ABRA: variants seen among roughly 807,000 people sequenced by gnomAD.
The protein encoded by ABRA is actin binding Rho activating protein.
Under a neutral mutation model 33.4 loss-of-function variants are expected in ABRA, and 25 were observed. The observed-to-expected ratio is 0.75, with a 90% CI of 0.55 to 1.04. The LOEUF (loss-of-function observed/expected upper bound fraction) is 1.04, where lower values mean the gene tolerates loss of function less well. ABRA is among the 50% of genes least tolerant of loss of function. ABRA has a pLI of 0.00. For synonymous variants in ABRA, 193 were observed against 176.8 expected (o/e 1.09, Z -0.73); for missense variants, 501 against 491.7 (o/e 1.02, Z -0.18).
chr8:106,763,713 T>C (rs976657950), intron 1 of ABRA, among the ~76,000 whole-genome samples: 1 of 152,232 alleles, frequency 6.6e-6, no homozygotes, highest in African/African-American at 2.4e-5. Context: ...ATAAATTTCA[T>C]GCCAGACTTA....
chr8:106,764,085 C>T lies in ABRA; in HGVS notation c.669-2571G>A, dbSNP rs553077731. On this transcript the variant is annotated intron_variant, in intron 1 of 1. Coordinates refer to ENST00000311955, the MANE Select transcript of ABRA (RefSeq NM_139166.5). ...TTTGCACAATTGAAAGTAATTATGTCGGTATCCAGATAGCAGTTGGTTCTT... is the reference window on the plus strand; with the variant it reads ...TTTGCACAATTGAAAGTAATTATGTTGGTATCCAGATAGCAGTTGGTTCTT... Among the ~76,000 whole-genome samples, 5 of 152,258 alleles carry T rather than the reference C, an allele frequency of 3.3e-5. No individual in the cohort carries two copies. In the South Asian group the frequency reaches 1.0e-3, roughly 32 times the overall value.
At chr8:106,766,549 TCTGCTGAAGTTTC>T (rs1226885123) in intron 1 of ABRA, among the ~76,000 whole-genome samples, 1 of 152,194 alleles carries the variant, frequency 6.6e-6, no homozygotes, top group African/African-American at 2.4e-5. Context: ...CCATGAGGCT[TCTGCTGAAGTTTC>T]CTGAGCACAG....
chr8:106,761,219 G>A lies in ABRA; in HGVS notation c.964C>T (p.Arg322Cys), dbSNP rs765131208. The A allele has an allele frequency of 6.2e-6, 10 of 1,614,154 alleles. No homozygotes were observed. The highest frequency in any genetic ancestry group is 1.1e-5 in the South Asian group (1 of 91,080). ...TGGATCTTGCCATCTCGTCTGTGGCGAGCCATTGTGCAGATAATGAAGCAC... is the reference window on the plus strand; with the variant it reads ...TGGATCTTGCCATCTCGTCTGTGGCAAGCCATTGTGCAGATAATGAAGCAC... The part of the protein sequence containing the change: ...DMCFIICTMA[R>C]HRRDGKIQVT... The change falls in exon 2 of 2, where the codon CGC becomes TGC. Residue 322 changes from arginine (R) to cysteine (C), a missense_variant. Transcript: ENST00000311955.
chr8:106,761,834 A>T (rs948596156), intron 1 of ABRA, among the ~76,000 whole-genome samples: 1 of 152,202 alleles, frequency 6.6e-6, no homozygotes, highest in Non-Finnish European at 1.5e-5. Flanking sequence ...CTTTAAGTTG[A>T]GTATTGGTAA....
At chr8:106,766,613 A>G (rs1305804408) in intron 1 of ABRA, among the ~76,000 whole-genome samples, 1 of 152,174 alleles carries the variant, frequency 6.6e-6, no homozygotes, top group East Asian at 1.9e-4. Flanking sequence ...GTTGCTGCAT[A>G]TAACATTCTG....
rs1379713657 is a variant in ABRA, at chr8:106,766,094, T to C, written c.668+3429A>G. On this transcript the variant is annotated intron_variant, in intron 1 of 1. Coordinates refer to ENST00000311955, the MANE Select transcript of ABRA (RefSeq NM_139166.5). ...CCTGCTCAACTGCTATTATTTTCAC[T>C]GAATTAAACATGGAGGACAGGATGG... 2.6e-5 allele frequency among the ~76,000 whole-genome samples: 4 copies of C among 152,232 alleles called. No individual in the cohort carries two copies. The East Asian group carries it at 7.7e-4, about 29-fold the overall frequency.
intron 1 of ABRA, among the ~76,000 whole-genome samples, chr8:106,763,929 T>C (rs1197732897): frequency 6.6e-6 from 1 of 152,246 alleles, no homozygotes; most frequent in Non-Finnish European, 1.5e-5. Flanking sequence ...TGATACTTAC[T>C]GTGTGCCAGG....
intron 1 of ABRA, among the ~76,000 whole-genome samples, chr8:106,764,224 C>CTATA (rs749063707): frequency 6.6e-6 from 1 of 152,144 alleles, no homozygotes; most frequent in Non-Finnish European, 1.5e-5. Context: ...TTAAACTGCA[C>CTATA]GTTATATGGG....
Position 106,761,206 on chromosome 8 carries a change from T to A in ABRA, c.977A>T (p.Asp326Val). The change falls in exon 2 of 2, where the codon GAT becomes GTT. Residue 326 changes from aspartate (D) to valine (V), a missense_variant. By Grantham distance (152) the Asp-to-Val change is radical. Coordinates refer to ENST00000311955, the MANE Select transcript of ABRA (RefSeq NM_139166.5). The stretch of plus-strand genomic sequence containing the variant: ...TCCAAAAGTAACCTGGATCTTGCCA[T>A]CTCGTCTGTGGCGAGCCATTGTGCA... ...IICTMARHRR[D>V]GKIQVTFGDL... The A allele has an allele frequency of 6.2e-7, 1 of 1,614,212 alleles. No homozygotes were observed. Among genetic ancestry groups the A allele is most frequent in the Non-Finnish European group, 8.5e-7 (1 of 1,180,038 alleles).
chr8:106,767,481 G>A (rs138256155), intron 1 of ABRA, among the ~76,000 whole-genome samples: 2 of 152,286 alleles, frequency 1.3e-5, no homozygotes, highest in African/African-American at 4.8e-5. Context: ...CCAGACCTCT[G>A]AATGCATCCT....
intron 1 of ABRA, 48 bp downstream of exon 1, chr8:106,769,475 G>T: frequency 6.3e-7 from 1 of 1,575,124 alleles, no homozygotes; most frequent in Non-Finnish European, 8.6e-7. Flanking sequence ...CTTGGTTGGG[G>T]CTCAATAGTG....
chr8:106,770,111 A>G lies in ABRA; in HGVS notation c.80T>C (p.Ile27Thr). The G allele has an allele frequency of 1.5e-5, 25 of 1,613,764 alleles. No homozygotes were observed. Among genetic ancestry groups the G allele is most frequent in the Non-Finnish European group, 2.1e-5 (25 of 1,179,820 alleles). The change falls in exon 1 of 2, where the codon ATC becomes ACC. Residue 27 changes from isoleucine (I) to threonine (T), a missense_variant. By Grantham distance (89) the Ile-to-Thr change is moderately conservative (BLOSUM62 -1). Coordinates refer to ENST00000311955, the MANE Select transcript of ABRA (RefSeq NM_139166.5). ...CTGCTGCCAACCTCGGGCCAAGCTG[A>G]TGACCAGGGTGGCTGTGCGTATCTT... is the stretch of plus-strand genomic sequence containing the variant. ...LRKIRTATLV[I>T]SLARGWQQWA...
At chr8:106,763,626 T>C (rs375855139) in intron 1 of ABRA, among the ~76,000 whole-genome samples, 11 of 152,310 alleles carry the variant, frequency 7.2e-5, no homozygotes, top group African/African-American at 2.6e-4. Flanking sequence ...TTGTGAGCCA[T>C]GCTAATCAAT....
At chr8:106,768,784 A>G (rs1308526181) in intron 1 of ABRA, among the ~76,000 whole-genome samples, 1 of 152,116 alleles carries the variant, frequency 6.6e-6, no homozygotes, top group Non-Finnish European at 1.5e-5. Context: ...CAGATGCACA[A>G]CACTGTGCCT....
chr8:106,763,570 T>C (rs1836166880), intron 1 of ABRA, among the ~76,000 whole-genome samples: 1 of 152,198 alleles, frequency 6.6e-6, no homozygotes, highest in Non-Finnish European at 1.5e-5. Flanking sequence ...GCCCTCAGTG[T>C]GGGCTGCTCA....
At chr8:106,761,983 G>A (rs889460720) in intron 1 of ABRA, among the ~76,000 whole-genome samples, 5 of 152,152 alleles carry the variant, frequency 3.3e-5, no homozygotes, top group African/African-American at 1.2e-4. Flanking sequence ...ATTTTTATAT[G>A]TGGATTTTTC....
At position 106,761,164 on chromosome 8, in the gene ABRA, T is replaced by C. The variant is rs752610182; in HGVS notation, c.1019A>G (p.Tyr340Cys). Residue 340 changes from tyrosine (Y) to cysteine (C), a missense_variant, in exon 2 of 2, where the codon TAC (tyrosine) becomes TGC (cysteine). By Grantham distance (194) the Tyr-to-Cys change is radical. Coordinates refer to ENST00000311955, the MANE Select transcript of ABRA (RefSeq NM_139166.5). ...QVTFGDLFDR[Y>C]VRISDKVVGI... ...CACTACTTTATCTGAAATACGAACG[T>C]ATCTGTCAAAGAGATCTCCAAAAGT... 4.3e-6 allele frequency: 7 copies of C among 1,614,124 alleles called. No individual in the cohort carries two copies. The East Asian group carries it at 6.7e-5, about 15-fold the overall frequency.
rs771274115 is a variant in ABRA, at chr8:106,761,130, G to A, written c.1053C>T (p.Leu351=). 2.5e-6 allele frequency: 4 copies of A among 1,614,114 alleles called. No individual in the cohort carries two copies. Among genetic ancestry groups the A allele is most frequent in the African/African-American group, 2.7e-5 (2 of 74,932 alleles). Residue 351 remains leucine (L), a synonymous_variant, in exon 2 of 2, where the codon CTC becomes CTT. Transcript: ENST00000311955. ...VRISDKVVGI[L]MRARKHGLVD... ...CCAGTCCATGTTTCCTGGCACGCAT[G>A]AGAATGCCCACTACTTTATCTGAAA...
chr8:106,768,563 C>T (rs1587351273), intron 1 of ABRA, among the ~76,000 whole-genome samples: 1 of 152,164 alleles, frequency 6.6e-6, no homozygotes, highest in Admixed American at 6.6e-5. Context: ...ATCTCATTTA[C>T]GTTTCCCAAT....
Sources: gnomAD v4.1 joint callset for allele counts (sites outside exome capture counted in the v4.1 genomes callset) on GRCh38, gnomAD v4.1.1 for gene constraint, MANE v1.5 for transcripts, NCBI Gene and HGNC (gene_info 2026-07-23, HGNC 2026-07-21) for gene names.